Variants in MLLT3 observed in about 807,000 individuals in gnomAD.
The protein encoded by MLLT3 is MLLT3 super elongation complex subunit.
Under a neutral mutation model 53.2 loss-of-function variants are expected in MLLT3, and 4 were observed. That is an observed-to-expected ratio of 0.08 (90% confidence interval 0.04 to 0.17). The LOEUF (loss-of-function observed/expected upper bound fraction) is 0.17. MLLT3 is among the 10% of genes least tolerant of loss of function. The probability of loss-of-function intolerance (pLI) is 1.00; values close to 1 mark genes in which losing one functional copy is unlikely to be tolerated. For synonymous variants in MLLT3, 283 were observed against 230.6 expected (o/e 1.23, Z -2.06); for missense variants, 569 against 684.0 (o/e 0.83, Z 1.87).
chr9:20,598,377 C>G (rs1820330054), intron 2 of MLLT3, among the ~76,000 whole-genome samples: 1 of 152,130 alleles, frequency 6.6e-6, no homozygotes, highest in Admixed American at 6.6e-5. Flanking sequence ...CCCTTCGCCC[C>G]ACATATGAGT....
At chr9:20,355,313 T>C (rs944314457) in intron 8 of MLLT3, among the ~76,000 whole-genome samples, 5 of 152,292 alleles carry the variant, frequency 3.3e-5, no homozygotes, top group African/African-American at 1.2e-4. Context: ...TAAAAACAAA[T>C]ACTCAAATGC....
chr9:20,498,077 G>C (rs1439883745), intron 2 of MLLT3, among the ~76,000 whole-genome samples: 1 of 151,438 alleles, frequency 6.6e-6, no homozygotes, highest in African/African-American at 2.4e-5. Context: ...ATAAAAATTA[G>C]CTGGGCGTGG....
chr9:20,581,581 T>A (rs1819793843), intron 2 of MLLT3, among the ~76,000 whole-genome samples: 1 of 152,166 alleles, frequency 6.6e-6, no homozygotes, highest in Non-Finnish European at 1.5e-5. Flanking sequence ...TTGGGATGGT[T>A]GACTCCTGTA....
chr9:20,572,558 C>T (rs2131165410), intron 2 of MLLT3, among the ~76,000 whole-genome samples: 1 of 152,276 alleles, frequency 6.6e-6, no homozygotes, highest in East Asian at 1.9e-4. Flanking sequence ...CTTTGGAAGG[C>T]CGAGGCAGGC....
rs190745671 is a variant in MLLT3 at position 20,592,884 on chromosome 9, A to G, written c.193+27770T>C. ...TGGGAATTTTAAGCCACTTCCTATG[A>G]GCAACAAAATTTCAGACAAGTTCCT... On this transcript the variant is annotated intron_variant, in intron 2 of 10. Coordinates refer to ENST00000380338, the MANE Select transcript of MLLT3 (RefSeq NM_004529.4). Among the ~76,000 whole-genome samples, 19 of 152,290 alleles carry G rather than the reference A, an allele frequency of 1.2e-4. 1 individual carries two copies. The East Asian group carries it at 1.7e-3, about 14-fold the overall frequency.
At chr9:20,462,390 T>C (rs1161229578) in intron 2 of MLLT3, among the ~76,000 whole-genome samples, 4 of 152,198 alleles carry the variant, frequency 2.6e-5, no homozygotes, top group Non-Finnish European at 5.9e-5. Context: ...TTCTCACCTT[T>C]TGGATCTTTT....
chr9:20,590,662 C>T (rs1410403182), intron 2 of MLLT3, among the ~76,000 whole-genome samples: 1 of 152,134 alleles, frequency 6.6e-6, no homozygotes, highest in Admixed American at 6.5e-5. Flanking sequence ...TCAATTAAAC[C>T]TCTTTTCTTT....
At chr9:20,416,567 T>C (rs993251274) in intron 4 of MLLT3, among the ~76,000 whole-genome samples, 1 of 152,082 alleles carries the variant, frequency 6.6e-6, no homozygotes, top group South Asian at 2.1e-4. Flanking sequence ...AAAGTTAAGT[T>C]CCTTTTTTAA....
intron 2 of MLLT3, among the ~76,000 whole-genome samples, chr9:20,515,621 T>A (rs1380830021): frequency 6.6e-6 from 1 of 152,208 alleles, no homozygotes; most frequent in African/African-American, 2.4e-5. Context: ...TGTTTTGTTT[T>A]TTCTTTTTGG....
At chr9:20,537,977 A>G (rs1818529219) in intron 2 of MLLT3, among the ~76,000 whole-genome samples, 1 of 152,204 alleles carries the variant, frequency 6.6e-6, no homozygotes, top group Non-Finnish European at 1.5e-5. Flanking sequence ...ATTCCTTAAT[A>G]TAAATGCAAG....
intron 2 of MLLT3, among the ~76,000 whole-genome samples, chr9:20,591,868 G>C (rs1443305609): frequency 2.6e-5 from 4 of 152,238 alleles, no homozygotes; most frequent in South Asian, 2.1e-4. Flanking sequence ...TTTAAGAAAT[G>C]TTAAACAGAA....
chr9:20,364,192 A>C (rs1382833299), intron 6 of MLLT3, among the ~76,000 whole-genome samples: 1 of 152,214 alleles, frequency 6.6e-6, no homozygotes, highest in Non-Finnish European at 1.5e-5. Flanking sequence ...TAAGCAGCCA[A>C]TTTTCATTTT....
chr9:20,456,065 T>C (rs1823960606), intron 3 of MLLT3, among the ~76,000 whole-genome samples: 1 of 151,858 alleles, frequency 6.6e-6, no homozygotes, highest in South Asian at 2.1e-4. Flanking sequence ...CAGCCTCCTA[T>C]GTAGCTGTAA....
intron 5 of MLLT3, among the ~76,000 whole-genome samples, chr9:20,385,478 T>C (rs1478526314): frequency 6.6e-6 from 1 of 152,136 alleles, no homozygotes; most frequent in African/African-American, 2.4e-5. Context: ...AACAATTCTG[T>C]ACCTTTCAAA....
intron 8 of MLLT3, among the ~76,000 whole-genome samples, chr9:20,357,699 T>C (rs1821203380): frequency 6.6e-6 from 1 of 152,186 alleles, no homozygotes; most frequent in South Asian, 2.1e-4. Flanking sequence ...TGAAAATATT[T>C]GACTCCATTA....
At chr9:20,573,771 A>G (rs780837886) in intron 2 of MLLT3, among the ~76,000 whole-genome samples, 6 of 152,244 alleles carry the variant, frequency 3.9e-5, no homozygotes, top group Non-Finnish European at 5.9e-5. Context: ...GTTAACAGTA[A>G]CTAATTATTG....
At position 20,569,394 on chromosome 9, in the gene MLLT3, G is replaced by A. The variant is rs183673668; in HGVS notation, c.193+51260C>T. 5.9e-5 allele frequency among the ~76,000 whole-genome samples: 9 copies of A among 152,182 alleles called. No individual in the cohort carries two copies. In the East Asian group the frequency reaches 1.7e-3, roughly 29 times the overall value. ...ACTGCACACACCATTACCCAATGTT[G>A]TACCTTGAAATCTAGGCTCATTCCC... On this transcript the variant is annotated intron_variant, in intron 2 of 10. Transcript: ENST00000380338.
rs1820787452 is a variant in MLLT3 at position 20,343,342 on chromosome 9, A to G, written c.*3101T>C. Reference sequence around the variant, plus strand: ...AATGTTTAAGACACTCTCTTAAGAGATATTTTTTTCCTGATCTGAAGTTTT... The same window carrying G: ...AATGTTTAAGACACTCTCTTAAGAGGTATTTTTTTCCTGATCTGAAGTTTT... On this transcript the variant is annotated 3_prime_UTR_variant, in exon 11 of 11. Coordinates refer to ENST00000380338, the MANE Select transcript of MLLT3 (RefSeq NM_004529.4). 1 of 209,622 alleles carries G rather than the reference A, an allele frequency of 4.8e-6. No individual in the cohort carries two copies. The highest frequency in any genetic ancestry group is 9.7e-6 in the Non-Finnish European group (1 of 103,366). The allele number at this position is 209,622 out of a possible 1,614,324, so 13.0% of individuals were successfully genotyped here.
At chr9:20,349,969 G>C (rs1210659698) in intron 10 of MLLT3, among the ~76,000 whole-genome samples, 6 of 152,228 alleles carry the variant, frequency 3.9e-5, no homozygotes, top group Non-Finnish European at 8.8e-5. Context: ...TTGCCAAAGG[G>C]AATGGCATTA....
Sources: allele counts gnomAD v4.1 joint callset (sites outside exome capture counted in the v4.1 genomes callset), GRCh38; gene constraint gnomAD v4.1.1; transcripts MANE v1.5; gene names NCBI Gene and HGNC (gene_info 2026-07-23, HGNC 2026-07-21).